TNS3: variants seen among roughly 807,000 people sequenced by gnomAD.
TNS3 encodes tensin 3.
In TNS3, 45 loss-of-function variants were observed where a neutral mutation model predicts 140.9. That is an observed-to-expected ratio of 0.32 (90% CI 0.25 to 0.41). TNS3 has a LOEUF of 0.41. Among genes scored for constraint, TNS3 ranks in the 10% least tolerant of loss-of-function variants. TNS3 has a pLI of 1.00. For synonymous variants in TNS3, 815 were observed against 788.4 expected, an observed-to-expected ratio of 1.03 and a Z score of -0.56; for missense variants, 1,716 against 1,906.7, an observed-to-expected ratio of 0.90 and a Z score of 1.86.
At chr7:47,364,738 C>A (rs906581153) in intron 17 of TNS3, among the ~76,000 whole-genome samples, 2 of 152,190 alleles carry the variant, frequency 1.3e-5, no homozygotes, top group Admixed American at 1.3e-4. Flanking sequence ...GAAGAGGAAG[C>A]GGAGCTCCCA....
intron 20 of TNS3, among the ~76,000 whole-genome samples, chr7:47,316,102 CTCTCTCT>C (rs1787387849): frequency 5.5e-5 from 1 of 18,184 alleles, no homozygotes; most frequent in Admixed American, 8.9e-4. Context: ...ATTTCTCTCT[CTCTCTCT>C]CTCTCTCTCT....
chr7:47,319,660 GA>G (rs1787616300), intron 20 of TNS3, among the ~76,000 whole-genome samples: 1 of 152,166 alleles, frequency 6.6e-6, no homozygotes, highest in Non-Finnish European at 1.5e-5. Context: ...ACCATGACTT[GA>G]AAACCTTATT....
At chr7:47,502,028 A>G (rs975316653) in intron 3 of TNS3, among the ~76,000 whole-genome samples, 1 of 152,218 alleles carries the variant, frequency 6.6e-6, no homozygotes, top group Admixed American at 6.5e-5. Context: ...GGTGGGCTAA[A>G]GTCACCCACA....
chr7:47,444,733 G>A (rs185769191), intron 4 of TNS3, among the ~76,000 whole-genome samples: 2 of 152,194 alleles, frequency 1.3e-5, no homozygotes, highest in East Asian at 1.9e-4. Flanking sequence ...TATAGGCCTC[G>A]ATACAGTAAC....
chr7:47,397,779 G>C (rs1034631043), intron 15 of TNS3, among the ~76,000 whole-genome samples: 14 of 152,208 alleles, frequency 9.2e-5, no homozygotes, highest in African/African-American at 3.4e-4. Flanking sequence ...CAAGGAACTA[G>C]AGAAGCAAGA....
chr7:47,367,881 C>T (rs973284276), intron 17 of TNS3, among the ~76,000 whole-genome samples: 5 of 152,262 alleles, frequency 3.3e-5, no homozygotes, highest in African/African-American at 9.6e-5. Flanking sequence ...TAATCAATTC[C>T]TTGTGCCAAA....
Position 47,464,549 on chromosome 7 carries a change from A to T in TNS3, c.-76+16554T>A, listed in dbSNP as rs578030413. Among the ~76,000 whole-genome samples the T allele has an allele frequency of 5.9e-5, 9 of 152,292 alleles. No individual in the cohort carries two copies. In the South Asian group the frequency reaches 1.9e-3, roughly 32 times the overall value. ...ACAGGCTGAACAGACTTCAGTTTGC[A>T]TCAGAACCACCAGGAGGGCATATTA... is the stretch of plus-strand genomic sequence containing the variant. On this transcript the variant is annotated intron_variant, in intron 4 of 30. Transcript: ENST00000311160.
At chr7:47,505,443 T>C (rs1798378892) in intron 3 of TNS3, among the ~76,000 whole-genome samples, 1 of 152,090 alleles carries the variant, frequency 6.6e-6, no homozygotes, top group African/African-American at 2.4e-5. Flanking sequence ...GGGGAAGCCC[T>C]CTCCAGAGCA....
At chr7:47,377,840 A>C (rs1791499187) in intron 16 of TNS3, among the ~76,000 whole-genome samples, 1 of 128,468 alleles carries the variant, frequency 7.8e-6, no homozygotes, top group South Asian at 2.5e-4. Flanking sequence ...CCTAAATTCC[A>C]TGAGACAATG....
At chr7:47,423,307 TAA>T (rs1339235170) in intron 10 of TNS3, among the ~76,000 whole-genome samples, 2 of 152,232 alleles carry the variant, frequency 1.3e-5, no homozygotes, top group African/African-American at 4.8e-5. Context: ...TGGTTGGCTC[TAA>T]GTGTCACCAT....
chr7:47,479,931 G>C (rs1480138212), intron 4 of TNS3, among the ~76,000 whole-genome samples: 1 of 152,126 alleles, frequency 6.6e-6, no homozygotes, highest in Non-Finnish European at 1.5e-5. Context: ...AAGTGATGAG[G>C]TTAGAGAGCC....
intron 1 of TNS3, among the ~76,000 whole-genome samples, chr7:47,557,992 G>T (rs1290606098): frequency 6.6e-6 from 1 of 152,184 alleles, no homozygotes; most frequent in Non-Finnish European, 1.5e-5. Context: ...TCTGCCCATC[G>T]TCCCTCTGGC....
intron 1 of TNS3, among the ~76,000 whole-genome samples, chr7:47,546,145 T>C (rs1049907757): frequency 3.3e-5 from 5 of 152,200 alleles, no homozygotes; most frequent in African/African-American, 1.2e-4. Flanking sequence ...CTCTACTCAC[T>C]GCCTGCGGGT....
At chr7:47,517,577 A>T (rs1259207288) in intron 2 of TNS3, among the ~76,000 whole-genome samples, 1 of 152,246 alleles carries the variant, frequency 6.6e-6, no homozygotes, top group Non-Finnish European at 1.5e-5. Context: ...ATTCATTAAT[A>T]CCCACAGCTG....
chr7:47,414,553 G>A (rs772864549), intron 11 of TNS3, among the ~76,000 whole-genome samples: 3 of 152,134 alleles, frequency 2.0e-5, no homozygotes, highest in Non-Finnish European at 4.4e-5. Context: ...TGGGGAACTG[G>A]GGATGTGGAG....
At chr7:47,449,433 G>A (rs140948174) in intron 4 of TNS3, among the ~76,000 whole-genome samples, 22 of 152,206 alleles carry the variant, frequency 1.4e-4, no homozygotes, top group African/African-American at 4.8e-4. Flanking sequence ...CAGGTTCTTT[G>A]CACATACCAC....
At chr7:47,405,415 A>C in intron 13 of TNS3, 2 of 676,928 alleles carry the variant, frequency 3.0e-6, no homozygotes, top group Non-Finnish European at 2.7e-6. Context: ...AGAATGAGTT[A>C]CAACCGCATA....
At chr7:47,327,472 C>T (rs527787174) in intron 20 of TNS3, among the ~76,000 whole-genome samples, 2 of 152,282 alleles carry the variant, frequency 1.3e-5, no homozygotes, top group South Asian at 2.1e-4. Flanking sequence ...GCCCGCTGCC[C>T]GGGATCCCTC....
chr7:47,524,122 G>A (rs1375719754), intron 2 of TNS3, among the ~76,000 whole-genome samples: 1 of 152,186 alleles, frequency 6.6e-6, no homozygotes, highest in Non-Finnish European at 1.5e-5. Flanking sequence ...CATCCAGGGT[G>A]CAGTGCAGCA....
Sources: allele counts gnomAD v4.1 joint callset (sites outside exome capture counted in the v4.1 genomes callset), GRCh38; gene constraint gnomAD v4.1.1; transcripts MANE v1.5; gene names NCBI Gene and HGNC (gene_info 2026-07-23, HGNC 2026-07-21).